MYO7B: variants seen among roughly 807,000 people sequenced by gnomAD.
MYO7B encodes the protein unconventional myosin-VIIb.
Under a neutral mutation model 259.7 loss-of-function variants are expected in MYO7B, and 212 were observed. The observed-to-expected ratio is 0.82, with a 90% CI of 0.73 to 0.91. The LOEUF (loss-of-function observed/expected upper bound fraction) is 0.91, where lower values mean the gene tolerates loss of function less well. Among genes scored for constraint, MYO7B ranks in the 40% least tolerant of loss-of-function variants. MYO7B has a pLI of 0.00. For missense variants in MYO7B, 2,732 were observed against 2,813.5 expected, an observed-to-expected ratio of 0.97 and a Z score of 0.66; for synonymous variants, 1,197 against 1,166.4, an observed-to-expected ratio of 1.03 and a Z score of -0.54.
chr2:127,599,305 T>G (rs1679878947), intron 19 of MYO7B, among the ~76,000 whole-genome samples: 1 of 152,226 alleles, frequency 6.6e-6, no homozygotes, highest in Non-Finnish European at 1.5e-5. Flanking sequence ...TTTTTGGAAT[T>G]ATAAATGGTA....
intron 37 of MYO7B, 53 bp downstream of exon 37, chr2:127,631,416 C>T: frequency 6.4e-7 from 1 of 1,574,404 alleles, no homozygotes; most frequent in Non-Finnish European, 8.7e-7. Context: ...GGCAGAGGCA[C>T]CCAGCACATC....
intron 19 of MYO7B, among the ~76,000 whole-genome samples, chr2:127,605,457 G>A (rs535667402): frequency 1.4e-4 from 21 of 152,146 alleles, no homozygotes; most frequent in South Asian, 8.3e-4. Context: ...TTAGCTGGGC[G>A]TGGTGGCAGG....
chr2:127,570,462 T>G (rs1678551340), intron 6 of MYO7B, among the ~76,000 whole-genome samples: 1 of 152,236 alleles, frequency 6.6e-6, no homozygotes, highest in Non-Finnish European at 1.5e-5. Flanking sequence ...TGGAGCAAAC[T>G]GCTCCTTAGA....
rs1291638516 is a variant in MYO7B, at chr2:127,593,598, G to C, written c.2198G>C (p.Arg733Pro). Residue 733 changes from arginine to proline, a missense_variant, in exon 18 of 48, where the codon CGG (arginine) becomes CCG (proline). Arg to Pro is a moderately radical substitution (Grantham distance 103, BLOSUM62 -2). Around this residue, in one of 3 missense-constraint regions of MYO7B, gnomAD observed 1,906 missense variants for 2,026.4 expected, o/e 0.94. Transcript: ENST00000409816. ...MTLGITDVWL[R>P]TDKDWKAGKT... ...CTGGGCATCACTGACGTGTGGCTGC[G>C]GACAGACAAAGACTGGAAAGCGGGG... is the stretch of plus-strand genomic sequence containing the variant. 2 of 1,613,724 alleles carry C rather than the reference G, an allele frequency of 1.2e-6. No homozygotes were observed. Among genetic ancestry groups the C allele is most frequent in the Non-Finnish European group, 1.7e-6 (2 of 1,179,846 alleles).
chr2:127,595,861 T>A lies in MYO7B; in HGVS notation c.2245-601T>A, dbSNP rs185705887. Among the ~76,000 whole-genome samples, 146 of 152,348 alleles carry A rather than the reference T, an allele frequency of 9.6e-4. 1 individual carries two copies. In the Middle Eastern group the frequency reaches 0.017, roughly 18 times the overall value. On this transcript the variant is annotated intron_variant, in intron 18 of 47. Coordinates refer to ENST00000409816, the MANE Select transcript of MYO7B (RefSeq NM_001393586.1). The stretch of plus-strand genomic sequence containing the variant: ...GTTATGTTTTCCGTTCTTTTGCATT[T>A]GCTGAGGGTGTTTTACTTCCAATTA...
In MYO7B at chr2:127,609,472, C is replaced by G; in HGVS notation, c.2815-34C>G. 1 of 1,579,674 alleles carries G rather than the reference C, an allele frequency of 6.3e-7. No individual in the cohort carries two copies. The highest frequency in any genetic ancestry group is 8.6e-7 in the Non-Finnish European group (1 of 1,161,084). On this transcript the variant is annotated intron_variant, in intron 22 of 47. Transcript: ENST00000409816. This position sits in a 1 kb window ranked among gnomAD's most constrained non-coding sequence, Gnocchi z 6.9. ...GATGGGTTGGTTGTTACCTGAAAGC[C>G]CTGCTGACCCGTGTTCTCCCTCAAT...
In MYO7B at chr2:127,609,605, A is replaced by G. The variant is rs1004237848; in HGVS notation, c.2914A>G (p.Thr972Ala). The G allele has an allele frequency of 9.9e-6, 16 of 1,613,750 alleles. No homozygotes were observed. Among genetic ancestry groups the G allele is most frequent in the African/African-American group, 1.3e-5 (1 of 74,878 alleles). Residue 972 changes from threonine to alanine, a missense_variant, in exon 23 of 48, where the codon ACC (threonine) becomes GCC (alanine). Coordinates refer to ENST00000409816, the MANE Select transcript of MYO7B (RefSeq NM_001393586.1). The surrounding 1 kb of genome is among the most constrained non-coding windows in gnomAD (Gnocchi z 6.9). ...EEDVDGLAEY[T>A]FPKFAVTYFQ... ...GGATGTGGATGGCCTGGCCGAGTAC[A>G]CCTTCCCCAAGTTTGCTGTGACTTA... is the stretch of plus-strand genomic sequence containing the variant.
At position 127,576,422 on chromosome 2, in the gene MYO7B, CG is replaced by C. The variant is rs1306329158; in HGVS notation, c.736-170del. 6.6e-6 allele frequency among the ~76,000 whole-genome samples: 1 copy of C among 152,048 alleles called. No homozygotes were observed. The highest frequency in any genetic ancestry group is 6.5e-5 in the Admixed American group (1 of 15,268). On this transcript the variant is annotated intron_variant, in intron 7 of 47. Coordinates refer to ENST00000409816, the MANE Select transcript of MYO7B (RefSeq NM_001393586.1). This position sits in a 1 kb window ranked among gnomAD's most constrained non-coding sequence, Gnocchi z 4.9. ...CAGGGATGAGACAGCCGCGGAGGCCCGGGACAGGGACAGCAACCAAGCCAGG... is the reference window on the plus strand; with the variant it reads ...CAGGGATGAGACAGCCGCGGAGGCCCGGACAGGGACAGCAACCAAGCCAGG...
intron 1 of MYO7B, among the ~76,000 whole-genome samples, chr2:127,542,754 T>C (rs1693055393): frequency 6.6e-6 from 1 of 152,136 alleles, no homozygotes; most frequent in South Asian, 2.1e-4. Flanking sequence ...TCAGTATTTA[T>C]TGATCATTAT....
At chr2:127,544,972 G>T (rs377225948) in intron 1 of MYO7B, among the ~76,000 whole-genome samples, 7 of 152,042 alleles carry the variant, frequency 4.6e-5, no homozygotes, top group African/African-American at 1.7e-4. Flanking sequence ...TGATCCGCCC[G>T]CCTCGACCTC....
In MYO7B at chr2:127,552,060, G is replaced by A. The variant is rs556715716; in HGVS notation, c.-23-7640G>A. 3.3e-5 allele frequency among the ~76,000 whole-genome samples: 5 copies of A among 152,318 alleles called. 1 individual carries two copies. In the South Asian group the frequency reaches 8.3e-4, roughly 25 times the overall value. ...TCAAGGGAAATCACAGTATTCGCAG[G>A]AGGGTGACGGACCACAGGGGCCCAC... On this transcript the variant is annotated intron_variant, in intron 1 of 47. Coordinates refer to ENST00000409816, the MANE Select transcript of MYO7B (RefSeq NM_001393586.1).
In MYO7B at chr2:127,630,814, G is replaced by A; in HGVS notation, c.4843G>A (p.Ala1615Thr). ...LAMSPEKRKL[A>T]AQEGQFTEPR... ...CATGTCACCAGAGAAGAGGAAGCTG[G>A]CGGCTCAGGAGGGGCAGTTCACAGA... Residue 1615 changes from alanine (A) to threonine (T), a missense_variant, in exon 36 of 48, where the codon GCG becomes ACG. Ala to Thr is a moderately conservative substitution (Grantham distance 58, BLOSUM62 0). This residue lies in a region of MYO7B where 821 missense variants were observed against 769.3 expected (regional missense o/e 1.07). Coordinates refer to ENST00000409816, the MANE Select transcript of MYO7B (RefSeq NM_001393586.1). The A allele has an allele frequency of 6.2e-7, 1 of 1,613,106 alleles. No homozygotes were observed. Among genetic ancestry groups the A allele is most frequent in the Non-Finnish European group, 8.5e-7 (1 of 1,179,800 alleles).
At chr2:127,630,557 AT>A (rs1194749456) in intron 35 of MYO7B, among the ~76,000 whole-genome samples, 2 of 152,130 alleles carry the variant, frequency 1.3e-5, no homozygotes, top group African/African-American at 4.8e-5. Context: ...TGCCACAGCC[AT>A]TGGCACTCAC....
rs148663556 is a variant in MYO7B at position 127,547,243 on chromosome 2, G to A, written c.-24+11412G>A. ...CCTGAGCCCTGACTAGTATGAGTAA[G>A]TCACTATCCAGCTCTCAAATTTCTC... On this transcript the variant is annotated intron_variant, in intron 1 of 47. Transcript: ENST00000409816. 2.0e-5 allele frequency among the ~76,000 whole-genome samples: 3 copies of A among 152,288 alleles called. No homozygotes were observed. In the East Asian group the frequency reaches 5.8e-4, roughly 29 times the overall value.
rs371783022 is a variant in MYO7B, at chr2:127,582,405, C to T, written c.1302C>T (p.Gly434=). 6.2e-7 allele frequency: 1 copy of T among 1,613,472 alleles called. No individual in the cohort carries two copies. Among genetic ancestry groups the T allele is most frequent in the South Asian group, 1.1e-5 (1 of 90,880 alleles). The part of the protein sequence containing the change: ...QDPKNVRRAI[G]LLDIFGFENF... Reference sequence around the variant, plus strand: ...CCAAAAATGTGCGGAGGGCCATCGGCCTCCTGGACATATTTGGCTTTGAAA... The same window carrying T: ...CCAAAAATGTGCGGAGGGCCATCGGTCTCCTGGACATATTTGGCTTTGAAA... The change falls in exon 12 of 48, where the codon GGC becomes GGT. Residue 434 remains glycine, a synonymous_variant. Transcript: ENST00000409816.
intron 6 of MYO7B, among the ~76,000 whole-genome samples, chr2:127,573,132 C>A (rs935025435): frequency 6.6e-6 from 1 of 152,168 alleles, no homozygotes; most frequent in Non-Finnish European, 1.5e-5. Flanking sequence ...CCCCAAGGAA[C>A]CCTTTTCCTT....
rs1247970530 is a variant in MYO7B, at chr2:127,577,858, G to A, written c.850-275G>A. On this transcript the variant is annotated intron_variant, in intron 8 of 47. Coordinates refer to ENST00000409816, the MANE Select transcript of MYO7B (RefSeq NM_001393586.1). The surrounding 1 kb of genome is among the most constrained non-coding windows in gnomAD (Gnocchi z 5.2). ...CCACAGTGTCCCCCAGAGAGACAAG[G>A]CAAGCTCGAGTAGGGACGAACGACA... is the stretch of plus-strand genomic sequence containing the variant. Among the ~76,000 whole-genome samples, 1 of 152,220 alleles carries A rather than the reference G, an allele frequency of 6.6e-6. No homozygotes were observed. The highest frequency in any genetic ancestry group is 2.4e-5 in the African/African-American group (1 of 41,446).
Position 127,608,698 on chromosome 2 carries a change from G to T in MYO7B, c.2644-10G>T. The T allele has an allele frequency of 6.2e-7, 1 of 1,608,242 alleles. No individual in the cohort carries two copies. The highest frequency in any genetic ancestry group is 8.5e-7 in the Non-Finnish European group (1 of 1,176,506). ...GGCCCCTGGGTAACCTTCCTCCACG[G>T]GGTATGCAGGCGCCGCTGGTCATCC... On this transcript the variant is annotated splice_polypyrimidine_tract_variant and intron_variant, in intron 21 of 47. Coordinates refer to ENST00000409816, the MANE Select transcript of MYO7B (RefSeq NM_001393586.1).
Position 127,607,239 on chromosome 2 carries a change from G to A in MYO7B, c.2458G>A (p.Ala820Thr), listed in dbSNP as rs769822367. The stretch of plus-strand genomic sequence containing the variant: ...GGGCTTTGAGCGCCTGCAGGCTATT[G>A]CCCGGAGCCAGCCGCTGGCGAGGCA... ...LVGFERLQAI[A>T]RSQPLARQYQ... Residue 820 changes from alanine to threonine, a missense_variant, in exon 21 of 48, where the codon GCC (alanine) becomes ACC (threonine). This residue lies in a region of MYO7B where 1,906 missense variants were observed against 2,026.4 expected (regional missense o/e 0.94). Coordinates refer to ENST00000409816, the MANE Select transcript of MYO7B (RefSeq NM_001393586.1). This position sits in a 1 kb window ranked among gnomAD's most constrained non-coding sequence, Gnocchi z 4.4. The A allele has an allele frequency of 1.3e-6, 2 of 1,550,186 alleles. No homozygotes were observed. The highest frequency in any genetic ancestry group is 1.2e-5 in the South Asian group (1 of 84,014).
Sources: gnomAD v4.1 joint callset for allele counts (sites outside exome capture counted in the v4.1 genomes callset) on GRCh38, gnomAD v4.1.1 for gene constraint, gnomAD v4.1.1 regional missense constraint, Gnocchi (gnomAD v3.1) non-coding constraint, MANE v1.5 for transcripts, NCBI Gene and HGNC (gene_info 2026-07-23, HGNC 2026-07-21) for gene names.